Variants in TAFA2 observed in about 807,000 individuals in gnomAD.
TAFA2 encodes TAFA chemokine like family member 2.
In TAFA2, 7 loss-of-function variants were observed where a neutral mutation model predicts 18.8. The observed-to-expected ratio is 0.37, with a 90% CI of 0.21 to 0.70. TAFA2 has a LOEUF of 0.70. Ranked by LOEUF, TAFA2 falls within the 30% of genes least tolerant of loss-of-function variation. The pLI, the probability that TAFA2 is intolerant of heterozygous loss-of-function variation, is 0.53. For synonymous variants in TAFA2, 60 were observed against 54.2 expected (o/e 1.11, Z -0.47); for missense variants, 122 against 158.1 (o/e 0.77, Z 1.23).
chr12:62,174,018 G>A (rs114110197), intron 1 of TAFA2, among the ~76,000 whole-genome samples: 3,385 of 152,304 alleles, frequency 0.022, 115 homozygotes, highest in African/African-American at 0.076. Context: ...TTGGCCAGGC[G>A]TGGTGGTTCA....
intron 1 of TAFA2, among the ~76,000 whole-genome samples, chr12:62,096,383 T>G (rs1358888362): frequency 6.6e-6 from 1 of 152,130 alleles, no homozygotes; most frequent in Non-Finnish European, 1.5e-5. Context: ...AAAAGGAAAC[T>G]GTTTAAAAAA....
At chr12:61,997,203 A>G (rs755119375) in intron 1 of TAFA2, among the ~76,000 whole-genome samples, 276 of 123,652 alleles carry the variant, frequency 2.2e-3, no homozygotes, top group East Asian at 7.5e-3. Flanking sequence ...ATATATATAT[A>G]TATAACCCAT....
chr12:62,084,148 C>T (rs1312932849), intron 1 of TAFA2, among the ~76,000 whole-genome samples: 1 of 152,176 alleles, frequency 6.6e-6, no homozygotes, highest in Non-Finnish European at 1.5e-5. Context: ...AACAGCGCTA[C>T]ATTTTTCCAA....
At chr12:62,253,866 T>C (rs188697762) in intron 1 of TAFA2, among the ~76,000 whole-genome samples, 50 of 152,360 alleles carry the variant, frequency 3.3e-4, no homozygotes, top group African/African-American at 1.1e-3. Flanking sequence ...CCTTCCATGA[T>C]TTAAGTCCAC....
chr12:62,047,740 T>G (rs1433950313), intron 1 of TAFA2, among the ~76,000 whole-genome samples: 1 of 152,194 alleles, frequency 6.6e-6, no homozygotes, highest in Admixed American at 6.5e-5. Flanking sequence ...TAAGAAAGTT[T>G]TTTTAAATAT....
chr12:62,064,595 A>G (rs1177816210), intron 1 of TAFA2, among the ~76,000 whole-genome samples: 3 of 152,128 alleles, frequency 2.0e-5, no homozygotes, highest in Non-Finnish European at 2.9e-5. Flanking sequence ...CACTTGGTGG[A>G]TTCAACAGAA....
chr12:61,850,139 A>G (rs4763166), intron 2 of TAFA2, among the ~76,000 whole-genome samples: 74,637 of 151,622 alleles, frequency 0.49, 18,584 homozygotes, highest in African/African-American at 0.57. Flanking sequence ...CACATAAACC[A>G]ATATATAGTA....
At chr12:61,897,908 G>A (rs370275842) in intron 1 of TAFA2, among the ~76,000 whole-genome samples, 27 of 152,124 alleles carry the variant, frequency 1.8e-4, no homozygotes, top group African/African-American at 4.6e-4. Context: ...TCCCTTCCTC[G>A]TAGAAGCCTG....
At chr12:61,965,837 C>T (rs539172421) in intron 1 of TAFA2, among the ~76,000 whole-genome samples, 4 of 151,918 alleles carry the variant, frequency 2.6e-5, no homozygotes, top group East Asian at 1.9e-4. Flanking sequence ...ATTGTGCAGC[C>T]GCTGAATCTC....
At chr12:62,094,757 A>AG (rs1868873392) in intron 1 of TAFA2, among the ~76,000 whole-genome samples, 1 of 151,898 alleles carries the variant, frequency 6.6e-6, no homozygotes, top group Admixed American at 6.6e-5. Flanking sequence ...CATAAAAAAA[A>AG]TGAAGTCAGA....
intron 1 of TAFA2, among the ~76,000 whole-genome samples, chr12:62,185,146 T>C (rs1490740795): frequency 1.3e-5 from 2 of 152,220 alleles, no homozygotes; most frequent in African/African-American, 4.8e-5. Flanking sequence ...TTGGCAATAA[T>C]GTTTAAATAC....
chr12:61,749,405 A>G (rs1263882740), intron 4 of TAFA2, among the ~76,000 whole-genome samples: 1 of 152,148 alleles, frequency 6.6e-6, no homozygotes, highest in Non-Finnish European at 1.5e-5. Flanking sequence ...GGTAAATTGA[A>G]TAAGATAATA....
At chr12:61,719,778 T>A (rs1233782393) in intron 4 of TAFA2, among the ~76,000 whole-genome samples, 3 of 152,150 alleles carry the variant, frequency 2.0e-5, no homozygotes, top group Admixed American at 6.6e-5. Flanking sequence ...TTGCTGTCAC[T>A]TAAAAGGACT....
At chr12:61,987,595 T>A (rs1385125316) in intron 1 of TAFA2, among the ~76,000 whole-genome samples, 2 of 152,204 alleles carry the variant, frequency 1.3e-5, no homozygotes, top group Non-Finnish European at 2.9e-5. Context: ...TCTGCACCCT[T>A]CCTAAACAAT....
intron 1 of TAFA2, among the ~76,000 whole-genome samples, chr12:61,986,412 C>T (rs1243390274): frequency 2.0e-5 from 3 of 150,404 alleles, no homozygotes; most frequent in Non-Finnish European, 3.0e-5. Context: ...GATCTGCCTG[C>T]CTCAGCCTCC....
intron 1 of TAFA2, among the ~76,000 whole-genome samples, chr12:62,201,264 T>C (rs2136967675): frequency 6.6e-6 from 1 of 152,268 alleles, no homozygotes; most frequent in Admixed American, 6.5e-5. Flanking sequence ...TGGCCAGAAC[T>C]TCCAATACTA....
At chr12:62,205,803 T>C (rs1427231460) in intron 1 of TAFA2, among the ~76,000 whole-genome samples, 1 of 152,178 alleles carries the variant, frequency 6.6e-6, no homozygotes. Context: ...TTCAGCCAAG[T>C]GGCCACCAAG....
At chr12:62,221,804 A>G (rs1294226837) in intron 1 of TAFA2, among the ~76,000 whole-genome samples, 2 of 152,194 alleles carry the variant, frequency 1.3e-5, no homozygotes, top group African/African-American at 4.8e-5. Context: ...AAAAGCTCTG[A>G]CCATCAAGTT....
chr12:62,182,948 G>A (rs1182568374), intron 1 of TAFA2, among the ~76,000 whole-genome samples: 1 of 152,192 alleles, frequency 6.6e-6, no homozygotes, highest in Non-Finnish European at 1.5e-5. Context: ...AAAACTCCAA[G>A]TAATATACTA....
Sources: allele counts gnomAD v4.1 joint callset (sites outside exome capture counted in the v4.1 genomes callset), GRCh38; gene constraint gnomAD v4.1.1; transcripts MANE v1.5; gene names NCBI Gene and HGNC (gene_info 2026-07-23, HGNC 2026-07-21).